The following IQCK variants were observed in gnomAD, a reference collection of about 807,000 sequenced individuals.
The protein encoded by IQCK is IQ domain-containing protein K.
IQCK carries 29 observed loss-of-function variants against 28.1 expected under a neutral mutation model. The ratio of observed to expected loss-of-function variants is 1.03; its 90% CI spans 0.77 to 1.41. IQCK has a LOEUF of 1.41. IQCK is among the 40% of genes most tolerant of loss of function. The probability of loss-of-function intolerance (pLI) is 0.00; values close to 1 mark genes in which losing one functional copy is unlikely to be tolerated. For synonymous variants in IQCK, 113 were observed against 115.1 expected (o/e 0.98, Z 0.12); for missense variants, 359 against 314.7 (o/e 1.14, Z -1.07).
At chr16:19,842,762 G>T (rs555824324) in intron 9 of IQCK, among the ~76,000 whole-genome samples, 2 of 152,060 alleles carry the variant, frequency 1.3e-5, no homozygotes, top group African/African-American at 2.4e-5. Flanking sequence ...TTCTCTTCAC[G>T]CTTGGTTTTC....
At chr16:19,735,880 G>T (rs1977998058) in intron 4 of IQCK, 2 of 345,932 alleles carry the variant, frequency 5.8e-6, no homozygotes, top group South Asian at 4.6e-5. Flanking sequence ...GGGCAACATA[G>T]TGAGACCCCC....
chr16:19,737,728 GTC>G (rs1428925836), intron 4 of IQCK, among the ~76,000 whole-genome samples: 1 of 151,606 alleles, frequency 6.6e-6, no homozygotes, highest in Non-Finnish European at 1.5e-5. Flanking sequence ...TTCTCCCTCC[GTC>G]TCTCCCCCGC....
intron 1 of IQCK, among the ~76,000 whole-genome samples, chr16:19,729,737 C>T (rs539706398): frequency 1.6e-4 from 24 of 151,664 alleles, no homozygotes; most frequent in South Asian, 4.2e-4. Context: ...CTCCGCCTCC[C>T]GGGTTCACGC....
rs144187583 is a variant in IQCK, at chr16:19,737,368, A to G, written c.474+1918A>G. Among the ~76,000 whole-genome samples the G allele has an allele frequency of 4.7e-3, 715 of 152,226 alleles. 5 individuals carry two copies. Among genetic ancestry groups the G allele is most frequent in the African/African-American group, 0.017 (698 of 41,548 alleles). Reference sequence around the variant, plus strand: ...AGGAAATAAGGTTTTCCCATGTTCTAGCAAATACCCGATGTTTCCTCAGCA... The same window carrying G: ...AGGAAATAAGGTTTTCCCATGTTCTGGCAAATACCCGATGTTTCCTCAGCA... On this transcript the variant is annotated intron_variant, in intron 4 of 7. Coordinates refer to ENST00000564186, the Ensembl canonical transcript of IQCK.
chr16:19,768,088 G>A (rs1486495074), intron 6 of IQCK, among the ~76,000 whole-genome samples: 2 of 149,694 alleles, frequency 1.3e-5, no homozygotes, highest in East Asian at 3.9e-4. Flanking sequence ...CCATCCATAG[G>A]ACAGAAAAAG....
intron 6 of IQCK, among the ~76,000 whole-genome samples, chr16:19,773,622 G>T (rs1005330310): frequency 1.3e-5 from 2 of 152,184 alleles, no homozygotes; most frequent in African/African-American, 4.8e-5. Flanking sequence ...TGTCATGAAA[G>T]CAGCCATAGA....
At chr16:19,842,255 A>C (rs539111858) in intron 9 of IQCK, among the ~76,000 whole-genome samples, 3 of 152,346 alleles carry the variant, frequency 2.0e-5, no homozygotes, top group African/African-American at 7.2e-5. Context: ...TATAGAGAAC[A>C]TATCAACATG....
intron 1 of IQCK, among the ~76,000 whole-genome samples, chr16:19,719,875 T>G (rs1322554228): frequency 1.3e-5 from 2 of 151,620 alleles, no homozygotes; most frequent in Non-Finnish European, 2.9e-5. Context: ...GTTTCACCAT[T>G]TTGGCCAGGC....
At chr16:19,830,810 A>G (rs12149742), downstream of IQCK, among the ~76,000 whole-genome samples, 8,089 of 152,292 alleles carry the variant, frequency 0.053, 436 homozygotes, top group Admixed American at 0.16. Flanking sequence ...AATAGTGTCT[A>G]TCTCGTACAA....
Position 19,776,020 on chromosome 16 carries a change from A to G in IQCK, c.605+11908A>G, listed in dbSNP as rs544837397. The stretch of plus-strand genomic sequence containing the variant: ...TCTCAGCCTCCCAAGTAGCTGGGCT[A>G]TAGGCACCCAACACCATGCCTGACT... On this transcript the variant is annotated intron_variant, in intron 6 of 7. Coordinates refer to ENST00000564186, the Ensembl canonical transcript of IQCK. Among the ~76,000 whole-genome samples the G allele has an allele frequency of 4.6e-4, 70 of 151,670 alleles. 1 individual carries two copies. The highest frequency in any genetic ancestry group is 8.7e-4 in the Non-Finnish European group (59 of 67,920).
At chr16:19,777,880 A>G (rs951277617) in intron 6 of IQCK, among the ~76,000 whole-genome samples, 1 of 152,094 alleles carries the variant, frequency 6.6e-6, no homozygotes, top group Admixed American at 6.6e-5. Context: ...GTGAAACCCC[A>G]TCTCTACTAA....
rs1287484358 is a variant in IQCK at position 19,760,605 on chromosome 16, T to G, written c.475-3243T>G. The stretch of plus-strand genomic sequence containing the variant: ...CTCTTGGGGTGATACAATTCAACCC[T>G]TAACACTCTGCCTTTCCCTTCTCCA... On this transcript the variant is annotated intron_variant, in intron 4 of 7. Coordinates refer to ENST00000564186, the Ensembl canonical transcript of IQCK. 2.0e-5 allele frequency among the ~76,000 whole-genome samples: 3 copies of G among 152,130 alleles called. No individual in the cohort carries two copies. The East Asian group carries it at 5.8e-4, about 29-fold the overall frequency.
At chr16:19,832,382 T>TGGAG (rs10651855) in intron 9 of IQCK, among the ~76,000 whole-genome samples, 38,227 of 151,830 alleles carry the variant, frequency 0.25, 5,182 homozygotes, top group African/African-American at 0.34. Context: ...GGCAGAGACT[T>TGGAG]GGAGAGATTG....
exon 10 of IQCK, chr16:19,857,740 T>G (rs2056579815): frequency 1.6e-5 from 2 of 123,960 alleles, no homozygotes; most frequent in Non-Finnish European, 3.4e-5. Flanking sequence ...TGACGGCATC[T>G]GGGCTAAAAA....
intron 4 of IQCK, among the ~76,000 whole-genome samples, chr16:19,746,459 A>G (rs553585074): frequency 3.3e-5 from 5 of 152,334 alleles, no homozygotes; most frequent in Admixed American, 1.3e-4. Context: ...CCAACCTGAC[A>G]TTCATTCCTA....
chr16:19,750,927 G>A (rs909933630), intron 4 of IQCK, among the ~76,000 whole-genome samples: 1 of 152,134 alleles, frequency 6.6e-6, no homozygotes. Flanking sequence ...CCATTTAGGG[G>A]GAGTTGAATG....
At chr16:19,855,752 C>T (rs938623652) in intron 9 of IQCK, among the ~76,000 whole-genome samples, 2 of 152,200 alleles carry the variant, frequency 1.3e-5, no homozygotes, top group African/African-American at 2.4e-5. Context: ...GAACAATGCT[C>T]TCCACAAATC....
intron 4 of IQCK, among the ~76,000 whole-genome samples, chr16:19,744,805 TAAAC>T (rs1218448552): frequency 6.6e-6 from 1 of 152,232 alleles, no homozygotes; most frequent in South Asian, 2.1e-4. Context: ...TATATTGTGT[TAAAC>T]AAATATACTC....
intron 2 of IQCK, among the ~76,000 whole-genome samples, chr16:19,733,469 G>A (rs1311784529): frequency 6.6e-6 from 1 of 152,026 alleles, no homozygotes; most frequent in African/African-American, 2.4e-5. Flanking sequence ...TTTTGGATAT[G>A]TTTACAAACG....
Sources: allele counts gnomAD v4.1 joint callset (sites outside exome capture counted in the v4.1 genomes callset), GRCh38; gene constraint gnomAD v4.1.1; transcripts MANE v1.5; gene names NCBI Gene and HGNC (gene_info 2026-07-23, HGNC 2026-07-21).